Variants in PKP4 observed in about 807,000 individuals in gnomAD.
The protein encoded by PKP4 is plakophilin 4, also known as plakophilin-4.
PKP4 carries 90 observed loss-of-function variants against 145.1 expected under a neutral mutation model. That is an observed-to-expected ratio of 0.62 (90% confidence interval 0.52 to 0.74). The LOEUF (loss-of-function observed/expected upper bound fraction) is 0.74. PKP4 is among the 30% of genes least tolerant of loss of function. The pLI, the probability that PKP4 is intolerant of heterozygous loss-of-function variation, is 0.00. For missense variants in PKP4, 1,340 were observed against 1,482.7 expected, an observed-to-expected ratio of 0.90 and a Z score of 1.58; for synonymous variants, 563 against 577.2, an observed-to-expected ratio of 0.98 and a Z score of 0.35.
chr2:158,569,748 G>T (rs1334984003), intron 2 of PKP4, among the ~76,000 whole-genome samples: 1 of 152,098 alleles, frequency 6.6e-6, no homozygotes, highest in Non-Finnish European at 1.5e-5. Context: ...TGTGCTTAGT[G>T]TTCAATAAAT....
At chr2:158,482,899 T>C (rs1693580234) in intron 1 of PKP4, among the ~76,000 whole-genome samples, 1 of 152,060 alleles carries the variant, frequency 6.6e-6, no homozygotes, top group Non-Finnish European at 1.5e-5. Flanking sequence ...AGAATGGAAG[T>C]ATACCTGTAT....
intron 2 of PKP4, among the ~76,000 whole-genome samples, chr2:158,546,864 CT>C (rs1365529237): frequency 6.6e-6 from 1 of 152,072 alleles, no homozygotes; most frequent in African/African-American, 2.4e-5. Flanking sequence ...AAAAAGGCCT[CT>C]TTTTTATGCA....
At chr2:158,462,088 A>G (rs1689858010) in intron 1 of PKP4, among the ~76,000 whole-genome samples, 1 of 152,258 alleles carries the variant, frequency 6.6e-6, no homozygotes, top group African/African-American at 2.4e-5. Flanking sequence ...AGTTTTTCAT[A>G]GAAACCCACA....
At chr2:158,560,095 G>A (rs1175709287) in intron 2 of PKP4, among the ~76,000 whole-genome samples, 1 of 152,098 alleles carries the variant, frequency 6.6e-6, no homozygotes, top group African/African-American at 2.4e-5. Flanking sequence ...TTGAACTCCT[G>A]GCCTCAAGTG....
intron 2 of PKP4, among the ~76,000 whole-genome samples, chr2:158,536,625 A>G (rs572905975): frequency 2.8e-4 from 43 of 152,324 alleles, no homozygotes; most frequent in African/African-American, 8.9e-4. Flanking sequence ...TCACTGGGCT[A>G]TGCTTTCCCT....
chr2:158,642,056 C>T (rs552563866), intron 10 of PKP4, among the ~76,000 whole-genome samples: 7 of 152,308 alleles, frequency 4.6e-5, no homozygotes, highest in African/African-American at 1.4e-4. Context: ...GAGTCTCACT[C>T]TGTTGCCCAG....
intron 1 of PKP4, among the ~76,000 whole-genome samples, chr2:158,480,068 A>G (rs1693107193): frequency 6.6e-6 from 1 of 152,210 alleles, no homozygotes; most frequent in South Asian, 2.1e-4. Context: ...CAAATTGCAG[A>G]TCTGTCCCAT....
At chr2:158,619,907 T>G (rs2052028590) in intron 4 of PKP4, among the ~76,000 whole-genome samples, 1 of 151,978 alleles carries the variant, frequency 6.6e-6, no homozygotes, top group Non-Finnish European at 1.5e-5. Context: ...TTTAGGAAGA[T>G]TTTCCTAAGC....
chr2:158,548,949 T>TA, intron 2 of PKP4: 1 of 172,270 alleles, frequency 5.8e-6, no homozygotes. Context: ...CCTTATGTCC[T>TA]AAAATGGGGG....
chr2:158,624,893 C>A lies in PKP4; in HGVS notation c.619C>A (p.Arg207=), dbSNP rs191132560. ...QTLVQPSVAN[R]AMRRVSSVPS... ...CTTTCATCAGCCATCAGTAGCCAAT[C>A]GGGCCATGAGAAGAGTTAGTTCAGT... The change falls in exon 7 of 22, where the codon CGG becomes AGG. Residue 207 remains arginine (R), a synonymous_variant. Transcript: ENST00000389759. 1.9e-6 allele frequency: 3 copies of A among 1,587,160 alleles called. No individual in the cohort carries two copies. Among genetic ancestry groups the A allele is most frequent in the Non-Finnish European group, 2.6e-6 (3 of 1,162,832 alleles).
At chr2:158,610,907 G>A (rs1396149813) in intron 4 of PKP4, among the ~76,000 whole-genome samples, 1 of 152,180 alleles carries the variant, frequency 6.6e-6, no homozygotes, top group East Asian at 1.9e-4. Context: ...CAGCCAGCCA[G>A]CCAAGCTCAT....
At chr2:158,633,802 T>A (rs996955345) in intron 8 of PKP4, among the ~76,000 whole-genome samples, 1 of 152,250 alleles carries the variant, frequency 6.6e-6, no homozygotes, top group Non-Finnish European at 1.5e-5. Context: ...CTCAGTTTTG[T>A]TACTGAACCT....
intron 1 of PKP4, among the ~76,000 whole-genome samples, chr2:158,523,201 G>T (rs1333148708): frequency 6.7e-6 from 1 of 149,914 alleles, no homozygotes; most frequent in Admixed American, 6.7e-5. Context: ...CAAAAAGACA[G>T]CAGTAACCTC....
chr2:158,489,458 C>T (rs1056137095), intron 1 of PKP4, among the ~76,000 whole-genome samples: 11 of 152,256 alleles, frequency 7.2e-5, no homozygotes, highest in African/African-American at 2.4e-4. Flanking sequence ...TCTTTTGTTC[C>T]TCCAGTGGAG....
chr2:158,653,650 A>C (rs1020843000), intron 11 of PKP4, among the ~76,000 whole-genome samples: 4 of 152,248 alleles, frequency 2.6e-5, no homozygotes, highest in Non-Finnish European at 5.9e-5. Flanking sequence ...AATTGCTTTA[A>C]ATTAAATAAA....
At chr2:158,547,608 A>C (rs997905141) in intron 2 of PKP4, among the ~76,000 whole-genome samples, 9 of 152,240 alleles carry the variant, frequency 5.9e-5, no homozygotes, top group Admixed American at 2.6e-4. Flanking sequence ...TGTTGTGTAC[A>C]TTTAGTAAAA....
At chr2:158,567,488 G>A (rs983319588) in intron 2 of PKP4, among the ~76,000 whole-genome samples, 1 of 152,324 alleles carries the variant, frequency 6.6e-6, no homozygotes, top group Middle Eastern at 3.4e-3. Context: ...GTGCGCAGTG[G>A]TTAACCCATG....
chr2:158,669,810 G>C lies in PKP4; in HGVS notation c.2819G>C (p.Cys940Ser). The C allele has an allele frequency of 6.2e-7, 1 of 1,614,100 alleles. No homozygotes were observed. The highest frequency in any genetic ancestry group is 8.5e-7 in the Non-Finnish European group (1 of 1,179,918). The stretch of plus-strand genomic sequence containing the variant: ...GATGAGACCATGGCAGCCATCTGCT[G>C]TGCTCTGCACGAGGTCACCAGCAAA... Reference protein sequence around the residue: ...LSDETMAAICCALHEVTSKNM... With the variant: ...LSDETMAAICSALHEVTSKNM... Residue 940 changes from cysteine (C) to serine (S), a missense_variant, in exon 17 of 22, where the codon TGT (cysteine) becomes TCT (serine). By Grantham distance (112) the Cys-to-Ser change is moderately radical (BLOSUM62 -1). Coordinates refer to ENST00000389759, the MANE Select transcript of PKP4 (RefSeq NM_003628.6).
chr2:158,479,788 A>G (rs1322037615), intron 1 of PKP4, among the ~76,000 whole-genome samples: 2 of 152,226 alleles, frequency 1.3e-5, no homozygotes, highest in Non-Finnish European at 2.9e-5. Flanking sequence ...GGTTTACTGT[A>G]TGACCCAGAC....
Sources: allele counts gnomAD v4.1 joint callset (sites outside exome capture counted in the v4.1 genomes callset), GRCh38; gene constraint gnomAD v4.1.1; transcripts MANE v1.5; gene names NCBI Gene and HGNC (gene_info 2026-07-23, HGNC 2026-07-21).